The following SHISA6 variants were observed in gnomAD, a reference collection of about 807,000 sequenced individuals.
SHISA6 encodes protein shisa-6.
A neutral mutation model predicts 47.9 loss-of-function variants in SHISA6; 22 were observed. The observed-to-expected ratio is 0.46, with a 90% CI of 0.33 to 0.66. The LOEUF (loss-of-function observed/expected upper bound fraction) is 0.66. Among genes scored for constraint, SHISA6 ranks in the 30% least tolerant of loss-of-function variants. The pLI is 0.02. For missense variants in SHISA6, 680 were observed against 764.6 expected (o/e 0.89, Z 1.30); for synonymous variants, 388 against 337.8 (o/e 1.15, Z -1.63).
intron 2 of SHISA6, among the ~76,000 whole-genome samples, chr17:11,375,891 G>A (rs905222270): frequency 2.6e-5 from 4 of 152,200 alleles, no homozygotes; most frequent in African/African-American, 7.2e-5. Flanking sequence ...TCACCAGGAT[G>A]CTGATTTGCA....
At chr17:11,489,625 A>G (rs1212837146) in intron 3 of SHISA6, among the ~76,000 whole-genome samples, 1 of 152,212 alleles carries the variant, frequency 6.6e-6, no homozygotes, top group African/African-American at 2.4e-5. Flanking sequence ...TGGCAGATCC[A>G]GGACCTGAAG....
chr17:11,511,056 T>C (rs1346938215), intron 3 of SHISA6, among the ~76,000 whole-genome samples: 8 of 152,118 alleles, frequency 5.3e-5, no homozygotes, highest in Admixed American at 4.6e-4. Flanking sequence ...AGATGACATA[T>C]GAACAGGGCT....
At chr17:11,279,782 A>G (rs1398245856) in intron 2 of SHISA6, among the ~76,000 whole-genome samples, 1 of 147,426 alleles carries the variant, frequency 6.8e-6, no homozygotes, top group East Asian at 2.0e-4. Context: ...CACTGTCACC[A>G]AGAATAGCAA....
chr17:11,548,779 A>G (rs1597581583), intron 3 of SHISA6, among the ~76,000 whole-genome samples: 1 of 152,222 alleles, frequency 6.6e-6, no homozygotes, highest in East Asian at 1.9e-4. Flanking sequence ...CTTAAATGAT[A>G]TATAGACATA....
At chr17:11,504,519 T>C (rs1289189139) in intron 3 of SHISA6, among the ~76,000 whole-genome samples, 1 of 152,166 alleles carries the variant, frequency 6.6e-6, no homozygotes, top group East Asian at 1.9e-4. Flanking sequence ...GAAACCAGCA[T>C]TCCTAGCCTT....
At chr17:11,481,332 ATATATGTG>A (rs1916209040) in intron 3 of SHISA6, among the ~76,000 whole-genome samples, 1 of 100,950 alleles carries the variant, frequency 9.9e-6, no homozygotes, top group South Asian at 3.5e-4. Flanking sequence ...CTCAAAAAAT[ATATATGTG>A]TGTGTGTGTG....
At chr17:11,455,144 G>A (rs1207364861) in intron 3 of SHISA6, among the ~76,000 whole-genome samples, 1 of 152,066 alleles carries the variant, frequency 6.6e-6, no homozygotes, top group Non-Finnish European at 1.5e-5. Context: ...ACTCCAGCCT[G>A]GGCGACAGAG....
At chr17:11,518,839 G>A (rs2142361182) in intron 3 of SHISA6, among the ~76,000 whole-genome samples, 1 of 152,256 alleles carries the variant, frequency 6.6e-6, no homozygotes. Context: ...TGTACCTTCT[G>A]TTTCCTCTAA....
At chr17:11,420,061 G>A (rs140264790) in intron 3 of SHISA6, among the ~76,000 whole-genome samples, 5,612 of 152,080 alleles carry the variant, frequency 0.037, 171 homozygotes, top group Non-Finnish European at 0.045. Context: ...AAAATTAGCC[G>A]GGTGTGGTTG....
chr17:11,420,198 C>T (rs777791426), intron 3 of SHISA6, among the ~76,000 whole-genome samples: 1 of 152,074 alleles, frequency 6.6e-6, no homozygotes, highest in Non-Finnish European at 1.5e-5. Flanking sequence ...AGGGAGACAC[C>T]ATCTCAAAAC....
intron 2 of SHISA6, among the ~76,000 whole-genome samples, chr17:11,330,316 G>A (rs78845525): frequency 2.1e-3 from 327 of 152,260 alleles, no homozygotes; most frequent in African/African-American, 7.7e-3. Context: ...GAAAGAGGCT[G>A]ATGTGATTTA....
intron 3 of SHISA6, among the ~76,000 whole-genome samples, chr17:11,461,037 A>C (rs1915676754): frequency 6.6e-6 from 1 of 152,216 alleles, no homozygotes; most frequent in Non-Finnish European, 1.5e-5. Context: ...AGGAATTACT[A>C]GTATGTACAA....
At chr17:11,434,335 A>T (rs2943037) in intron 3 of SHISA6, among the ~76,000 whole-genome samples, 152,269 of 152,270 alleles carry the variant, frequency 1, 76,134 homozygotes, top group Non-Finnish European at 1. Context: ...AGTGCTGAGA[A>T]TACAGGCGTG....
chr17:11,518,121 C>T (rs994719341), intron 3 of SHISA6, among the ~76,000 whole-genome samples: 5 of 152,072 alleles, frequency 3.3e-5, no homozygotes, highest in South Asian at 2.1e-4. Context: ...GTGCCGTGGT[C>T]GAGAGCACAG....
chr17:11,389,229 G>A (rs1391591848), intron 3 of SHISA6, among the ~76,000 whole-genome samples: 2 of 152,112 alleles, frequency 1.3e-5, no homozygotes, highest in Non-Finnish European at 2.9e-5. Flanking sequence ...TGCTACCATT[G>A]GCCCATGTAG....
intron 3 of SHISA6, among the ~76,000 whole-genome samples, chr17:11,495,664 C>G (rs887619046): frequency 6.6e-6 from 1 of 152,230 alleles, no homozygotes; most frequent in Non-Finnish European, 1.5e-5. Flanking sequence ...AACAGTCAGA[C>G]TGCAAGGATG....
At chr17:11,537,549 C>G (rs1045283404) in intron 3 of SHISA6, among the ~76,000 whole-genome samples, 3 of 152,148 alleles carry the variant, frequency 2.0e-5, no homozygotes, top group Non-Finnish European at 4.4e-5. Context: ...CCAACACGCT[C>G]ATACTCAGAT....
At chr17:11,414,868 A>G (rs1914233479) in intron 3 of SHISA6, among the ~76,000 whole-genome samples, 1 of 152,044 alleles carries the variant, frequency 6.6e-6, no homozygotes, top group African/African-American at 2.4e-5. Context: ...CGGGTGAATC[A>G]TGAGGTCAGG....
chr17:11,334,215 G>C (rs1330282873), intron 2 of SHISA6, among the ~76,000 whole-genome samples: 1 of 152,152 alleles, frequency 6.6e-6, no homozygotes, highest in Non-Finnish European at 1.5e-5. Flanking sequence ...TTGGGACTGA[G>C]CCTGTAAGTG....
Sources: gnomAD v4.1 joint callset for allele counts (sites outside exome capture counted in the v4.1 genomes callset) on GRCh38, gnomAD v4.1.1 for gene constraint, MANE v1.5 for transcripts, NCBI Gene and HGNC (gene_info 2026-07-23, HGNC 2026-07-21) for gene names.